ANKS1B: variants seen among roughly 807,000 people sequenced by gnomAD.
ANKS1B encodes ankyrin repeat and sterile alpha motif domain containing 1B, also known as ankyrin repeat and sterile alpha motif domain-containing protein 1B.
Under a neutral mutation model 148.3 loss-of-function variants are expected in ANKS1B, and 36 were observed. The observed-to-expected ratio is 0.24, with a 90% CI of 0.19 to 0.32. The LOEUF is 0.32. Among genes scored for constraint, ANKS1B ranks in the 10% least tolerant of loss-of-function variants. ANKS1B has a pLI of 1.00. For synonymous variants in ANKS1B, 542 were observed against 560.8 expected, an observed-to-expected ratio of 0.97 and a Z score of 0.47; for missense variants, 1,157 against 1,542.6, an observed-to-expected ratio of 0.75 and a Z score of 4.19.
intron 14 of ANKS1B, among the ~76,000 whole-genome samples, chr12:99,222,498 C>G (rs2085284700): frequency 6.6e-6 from 1 of 152,150 alleles, no homozygotes; most frequent in Non-Finnish European, 1.5e-5. Flanking sequence ...TGCCTGTGAT[C>G]CCAGTTACTT....
chr12:99,746,262 T>C (rs1016481423), intron 8 of ANKS1B, among the ~76,000 whole-genome samples: 1 of 152,214 alleles, frequency 6.6e-6, no homozygotes, highest in African/African-American at 2.4e-5. Flanking sequence ...ATAACACAGA[T>C]ACAATTAAGG....
intron 2 of ANKS1B, among the ~76,000 whole-genome samples, chr12:99,819,093 T>C (rs2082205911): frequency 6.6e-6 from 1 of 151,884 alleles, no homozygotes; most frequent in Admixed American, 6.6e-5. Context: ...AGAATTAACA[T>C]CTAATGAAAC....
chr12:99,526,829 A>C (rs577815756), intron 9 of ANKS1B, among the ~76,000 whole-genome samples: 1 of 152,220 alleles, frequency 6.6e-6, no homozygotes, highest in Non-Finnish European at 1.5e-5. Flanking sequence ...ACCCCAGTAC[A>C]TAAGAATGTG....
chr12:99,420,020 T>A (rs1192838054), intron 11 of ANKS1B, among the ~76,000 whole-genome samples: 5 of 152,182 alleles, frequency 3.3e-5, no homozygotes, highest in African/African-American at 1.2e-4. Flanking sequence ...ATAGTGCCCA[T>A]GAAATACATT....
chr12:99,829,235 T>A (rs543192849), intron 1 of ANKS1B, among the ~76,000 whole-genome samples: 5 of 150,658 alleles, frequency 3.3e-5, no homozygotes, highest in Admixed American at 1.3e-4. Flanking sequence ...CATGGGCCAG[T>A]CGCGGTGGCT....
intron 12 of ANKS1B, among the ~76,000 whole-genome samples, chr12:99,355,509 C>G (rs533699853): frequency 6.6e-6 from 1 of 152,200 alleles, no homozygotes; most frequent in Admixed American, 6.5e-5. Flanking sequence ...TCATATTATT[C>G]AGAATTAGAT....
At chr12:99,069,068 G>C (rs988705659) in intron 16 of ANKS1B, among the ~76,000 whole-genome samples, 2 of 152,158 alleles carry the variant, frequency 1.3e-5, no homozygotes, top group Admixed American at 6.6e-5. Context: ...CCCATCTCTG[G>C]ACTTAGCATA....
intron 9 of ANKS1B, among the ~76,000 whole-genome samples, chr12:99,550,435 C>A (rs1483283973): frequency 6.6e-6 from 1 of 151,980 alleles, no homozygotes; most frequent in African/African-American, 2.4e-5. Flanking sequence ...ACCAGCTTGG[C>A]CAACATGGTG....
chr12:99,890,262 G>A (rs2093026578), intron 1 of ANKS1B, among the ~76,000 whole-genome samples: 1 of 152,112 alleles, frequency 6.6e-6, no homozygotes, highest in African/African-American at 2.4e-5. Context: ...ATTTAAATCA[G>A]TAGACTTTTA....
chr12:99,983,341 C>A (rs2095735526), intron 1 of ANKS1B, among the ~76,000 whole-genome samples: 1 of 152,142 alleles, frequency 6.6e-6, no homozygotes, highest in Non-Finnish European at 1.5e-5. Context: ...GAATGAAGAC[C>A]TTGACATTTT....
chr12:99,349,610 T>C (rs1186638357), intron 12 of ANKS1B, among the ~76,000 whole-genome samples: 1 of 151,836 alleles, frequency 6.6e-6, no homozygotes, highest in African/African-American at 2.4e-5. Flanking sequence ...AATAAAAGGG[T>C]CAATCCCTCA....
At chr12:98,849,056 T>A (rs960401656) in intron 17 of ANKS1B, among the ~76,000 whole-genome samples, 6 of 152,108 alleles carry the variant, frequency 3.9e-5, no homozygotes, top group Non-Finnish European at 8.8e-5. Context: ...CGATTTTTCA[T>A]GAAGAATTTT....
chr12:98,751,715 T>C lies in ANKS1B; in HGVS notation c.3580-193A>G, dbSNP rs1461784675. On this transcript the variant is annotated intron_variant, in intron 25 of 26. Coordinates refer to ENST00000683438, the MANE Select transcript of ANKS1B (RefSeq NM_001352186.2). This position sits in a 1 kb window ranked among gnomAD's most constrained non-coding sequence, Gnocchi z 4.3. ...ACTTAGGGTTTACACCAGGCTTTAG[T>C]CATTTGTGAAAAGAAAAATCTTGGG... is the stretch of plus-strand genomic sequence containing the variant. Among the ~76,000 whole-genome samples the C allele has an allele frequency of 6.6e-6, 1 of 152,204 alleles. No homozygotes were observed. Among genetic ancestry groups the C allele is most frequent in the Non-Finnish European group, 1.5e-5 (1 of 68,038 alleles).
intron 17 of ANKS1B, among the ~76,000 whole-genome samples, chr12:98,850,459 ATTTTT>A (rs59294440): frequency 5.7e-5 from 4 of 70,484 alleles, no homozygotes; most frequent in South Asian, 6.9e-4. Context: ...GAAGCATTGC[ATTTTT>A]TTTTTTTTTT....
In ANKS1B at chr12:99,927,872, T is replaced by A. The variant is rs190351118; in HGVS notation, c.134+56232A>T. 9.5e-4 allele frequency among the ~76,000 whole-genome samples: 144 copies of A among 152,286 alleles called. 1 individual carries two copies. The highest frequency in any genetic ancestry group is 1.8e-3 in the Admixed American group (28 of 15,280). ...TTAATTTTAATTTTAAAAAACACTTTAACTGCTATATAAAAATAATACTAT... is the reference window on the plus strand; with the variant it reads ...TTAATTTTAATTTTAAAAAACACTTAAACTGCTATATAAAAATAATACTAT... On this transcript the variant is annotated intron_variant, in intron 1 of 26. Transcript: ENST00000683438.
At chr12:98,788,706 G>A (rs772329318) in intron 22 of ANKS1B, among the ~76,000 whole-genome samples, 1 of 152,180 alleles carries the variant, frequency 6.6e-6, no homozygotes, top group South Asian at 2.1e-4. Flanking sequence ...GATGCTGCAC[G>A]TCTGAGACCA....
intron 15 of ANKS1B, among the ~76,000 whole-genome samples, chr12:99,127,243 GA>G (rs2064668096): frequency 6.6e-6 from 1 of 152,158 alleles, no homozygotes; most frequent in African/African-American, 2.4e-5. Flanking sequence ...CTGCCCTGGA[GA>G]TGCTCGCTGA....
intron 17 of ANKS1B, among the ~76,000 whole-genome samples, chr12:99,014,043 G>GA (rs1325732180): frequency 6.6e-6 from 1 of 151,628 alleles, no homozygotes; most frequent in Non-Finnish European, 1.5e-5. Context: ...GCCAAAAAAA[G>GA]AAAAAAATCC....
chr12:99,232,522 C>T (rs917214113), intron 14 of ANKS1B, among the ~76,000 whole-genome samples: 2 of 152,224 alleles, frequency 1.3e-5, no homozygotes, highest in East Asian at 3.9e-4. Flanking sequence ...TAATGACAAG[C>T]ACGTCCCGTG....
Sources: gnomAD v4.1 joint callset for allele counts (sites outside exome capture counted in the v4.1 genomes callset) on GRCh38, gnomAD v4.1.1 for gene constraint, Gnocchi (gnomAD v3.1) non-coding constraint, MANE v1.5 for transcripts, NCBI Gene and HGNC (gene_info 2026-07-23, HGNC 2026-07-21) for gene names.